SDK1: variants seen among roughly 807,000 people sequenced by gnomAD.
SDK1 encodes sidekick cell adhesion molecule 1, also known as protein sidekick-1.
Under a neutral mutation model 245.5 loss-of-function variants are expected in SDK1, and 157 were observed. The observed-to-expected ratio is 0.64, with a 90% CI of 0.56 to 0.73. SDK1 has a LOEUF of 0.73. Among genes scored for constraint, SDK1 ranks in the 30% least tolerant of loss-of-function variants. The probability of loss-of-function intolerance (pLI) is 0.00; values close to 1 mark genes in which losing one functional copy is unlikely to be tolerated. For missense variants in SDK1, 3,583 were observed against 3,002.3 expected (o/e 1.19, Z -4.52); for synonymous variants, 1,647 against 1,278.5 (o/e 1.29, Z -6.15).
At chr7:4,060,133 G>A (rs958512016) in intron 19 of SDK1, among the ~76,000 whole-genome samples, 4 of 152,118 alleles carry the variant, frequency 2.6e-5, no homozygotes, top group African/African-American at 4.8e-5. Context: ...CGCCCGCCTC[G>A]GCCTTCCAAA....
chr7:3,418,390 C>T (rs1439883215), intron 1 of SDK1, among the ~76,000 whole-genome samples: 1 of 152,146 alleles, frequency 6.6e-6, no homozygotes, highest in Non-Finnish European at 1.5e-5. Flanking sequence ...GGAATATTCA[C>T]TTCACTGCAA....
At chr7:3,817,942 A>G (rs75715831) in intron 4 of SDK1, among the ~76,000 whole-genome samples, 2,840 of 152,324 alleles carry the variant, frequency 0.019, 33 homozygotes, top group Non-Finnish European at 0.031. Context: ...ATGAAAAGCA[A>G]CAGATTGATT....
intron 1 of SDK1, among the ~76,000 whole-genome samples, chr7:3,353,392 A>G (rs1046846654): frequency 1.6e-4 from 25 of 152,312 alleles, no homozygotes; most frequent in African/African-American, 5.8e-4. Flanking sequence ...TATACTGAAC[A>G]TAGGAACTCA....
chr7:3,581,517 G>C (rs1780494891), intron 1 of SDK1, among the ~76,000 whole-genome samples: 1 of 152,156 alleles, frequency 6.6e-6, no homozygotes, highest in African/African-American at 2.4e-5. Context: ...CCAGGTTGTG[G>C]GGAAAGGGGA....
chr7:3,907,530 G>C (rs1218421111), intron 5 of SDK1, among the ~76,000 whole-genome samples: 1 of 152,144 alleles, frequency 6.6e-6, no homozygotes, highest in Non-Finnish European at 1.5e-5. Flanking sequence ...TGTACATATA[G>C]GTTGTTTCTG....
rs530067376 is a variant in SDK1 at position 3,982,839 on chromosome 7, C to CA, written c.1995-4333dup. ...TGGGCGACAGAGCGAGACAACATCTCAAAAAAAAAAAAAAGAATGTTTGTG... is the reference window on the plus strand; with the variant it reads ...TGGGCGACAGAGCGAGACAACATCTCAAAAAAAAAAAAAAAGAATGTTTGTG... On this transcript the variant is annotated intron_variant, in intron 13 of 44. Transcript: ENST00000404826. 3.0e-3 allele frequency among the ~76,000 whole-genome samples: 358 copies of CA among 119,774 alleles called. 2 individuals are homozygous for CA. The highest frequency in any genetic ancestry group is 0.018 in the South Asian group (70 of 3,786). 78.6% of individuals were successfully genotyped at this position (119,774 alleles called of 152,430 possible). A position where few individuals can be genotyped will look rare whatever the true frequency, so the allele number is the denominator to read the frequency against.
rs112848736 is a variant in SDK1 at position 4,228,043 on chromosome 7, C to T, written c.5828-5212C>T. Among the ~76,000 whole-genome samples, 803 of 152,280 alleles carry T rather than the reference C, an allele frequency of 5.3e-3. 2 individuals are homozygous for T. The highest frequency in any genetic ancestry group is 0.012 in the African/African-American group (492 of 41,564). ...TTCCCTTGTTTAAGTGGACAAATCA[C>T]GCCGTAAAAAATGAAGATGCATAGT... On this transcript the variant is annotated intron_variant, in intron 40 of 44. Coordinates refer to ENST00000404826, the MANE Select transcript of SDK1 (RefSeq NM_152744.4).
intron 1 of SDK1, among the ~76,000 whole-genome samples, chr7:3,333,368 G>C (rs537971853): frequency 2.6e-5 from 4 of 152,242 alleles, no homozygotes; most frequent in Non-Finnish European, 5.9e-5. Flanking sequence ...TTTCTGCAGA[G>C]GTGTTCGTTA....
chr7:3,520,721 A>G (rs1215139321), intron 1 of SDK1, among the ~76,000 whole-genome samples: 1 of 152,156 alleles, frequency 6.6e-6, no homozygotes, highest in Non-Finnish European at 1.5e-5. Context: ...TCAAGAGGGT[A>G]TGTCGATACT....
chr7:3,636,272 G>A (rs762055153), intron 2 of SDK1, among the ~76,000 whole-genome samples: 2 of 152,110 alleles, frequency 1.3e-5, no homozygotes, highest in Non-Finnish European at 2.9e-5. Context: ...ATGTGATACA[G>A]TATGATTCCT....
chr7:3,988,870 C>T (rs1784072985), intron 14 of SDK1, among the ~76,000 whole-genome samples: 2 of 152,168 alleles, frequency 1.3e-5, no homozygotes, highest in Non-Finnish European at 2.9e-5. Flanking sequence ...CTCCTGGGTT[C>T]AAGCGATTCT....
intron 4 of SDK1, among the ~76,000 whole-genome samples, chr7:3,787,185 C>T (rs1780929711): frequency 6.6e-6 from 1 of 151,046 alleles, no homozygotes; most frequent in Non-Finnish European, 1.5e-5. Flanking sequence ...CACACACACA[C>T]ACTCCCATAC....
intron 1 of SDK1, among the ~76,000 whole-genome samples, chr7:3,351,621 T>C (rs1008185127): frequency 1.3e-5 from 2 of 152,026 alleles, no homozygotes; most frequent in Non-Finnish European, 2.9e-5. Context: ...TTAAGCAAAA[T>C]AAAGCTGGTA....
At chr7:4,058,693 AT>A (rs1779351527) in intron 19 of SDK1, among the ~76,000 whole-genome samples, 1 of 152,252 alleles carries the variant, frequency 6.6e-6, no homozygotes. Context: ...ATGGGATGAT[AT>A]ATTCAAAGTA....
intron 1 of SDK1, among the ~76,000 whole-genome samples, chr7:3,542,031 G>T (rs907010542): frequency 1.3e-5 from 2 of 152,158 alleles, no homozygotes; most frequent in Non-Finnish European, 2.9e-5. Flanking sequence ...TTGTGCACAT[G>T]TACCCTCAAA....
At chr7:3,461,835 G>A (rs937343840) in intron 1 of SDK1, among the ~76,000 whole-genome samples, 1 of 152,068 alleles carries the variant, frequency 6.6e-6, no homozygotes, top group Non-Finnish European at 1.5e-5. Flanking sequence ...CTCCACTTGG[G>A]TTTTGAGTTC....
chr7:3,810,926 G>GCTTCTGGT (rs1562461024), intron 4 of SDK1, among the ~76,000 whole-genome samples: 1 of 152,178 alleles, frequency 6.6e-6, no homozygotes, highest in Non-Finnish European at 1.5e-5. Flanking sequence ...GGTAATAGAG[G>GCTTCTGGT]CTTCTGGTCA....
At chr7:3,337,653 C>G (rs1482336922) in intron 1 of SDK1, among the ~76,000 whole-genome samples, 1 of 152,178 alleles carries the variant, frequency 6.6e-6, no homozygotes, top group Non-Finnish European at 1.5e-5. Flanking sequence ...TGGAGTTTAA[C>G]AATGTGTAAT....
At chr7:3,580,453 C>T (rs1254889421) in intron 1 of SDK1, among the ~76,000 whole-genome samples, 1 of 152,106 alleles carries the variant, frequency 6.6e-6, no homozygotes, top group Non-Finnish European at 1.5e-5. Flanking sequence ...ACACATAGAA[C>T]AATGGAACAG....
Sources: gnomAD v4.1 joint callset for allele counts (sites outside exome capture counted in the v4.1 genomes callset) on GRCh38, gnomAD v4.1.1 for gene constraint, MANE v1.5 for transcripts, NCBI Gene and HGNC (gene_info 2026-07-23, HGNC 2026-07-21) for gene names.